The following ACSM6 variants were observed in gnomAD, a reference collection of about 807,000 sequenced individuals.
ACSM6 encodes the protein acyl-coenzyme A synthetase ACSM6, mitochondrial.
In ACSM6, 35 loss-of-function variants were observed where a neutral mutation model predicts 51.1. The ratio of observed to expected loss-of-function variants is 0.69; its 90% CI spans 0.52 to 0.91. The LOEUF (loss-of-function observed/expected upper bound fraction) is 0.91. Among genes scored for constraint, ACSM6 ranks in the 40% least tolerant of loss-of-function variants. ACSM6 has a pLI of 0.00. For synonymous variants in ACSM6, 172 were observed against 207.3 expected (o/e 0.83, Z 1.46); for missense variants, 509 against 584.1 (o/e 0.87, Z 1.32).
intron 5 of ACSM6, 119 bp downstream of exon 5, chr10:95,210,912 A>G: frequency 8.0e-7 from 1 of 1,242,742 alleles, no homozygotes; most frequent in Non-Finnish European, 1.1e-6. Context: ...AAGTGTCAAT[A>G]TTGAGAGAAG....
At chr10:95,228,437 CA>C (rs34317527) in intron 10 of ACSM6, 195,294 of 406,632 alleles carry the variant, frequency 0.48, 26,802 homozygotes, top group African/African-American at 0.55. Context: ...CTAGCTGGGA[CA>C]AAAAAAAAAA....
chr10:95,216,265 G>T (rs902469931), intron 8 of ACSM6, among the ~76,000 whole-genome samples: 2 of 152,016 alleles, frequency 1.3e-5, no homozygotes, highest in Non-Finnish European at 2.9e-5. Flanking sequence ...ATCCCATCAT[G>T]AGAGTGCCAC....
Position 95,194,417 on chromosome 10 carries a change from C to T in ACSM6, c.-21-48C>T. 6 of 1,358,132 alleles carry T rather than the reference C, an allele frequency of 4.4e-6. 1 individual carries two copies. In the South Asian group the frequency reaches 8.0e-5, roughly 18 times the overall value. The allele number at this position is 1,358,132 out of a possible 1,614,324, so 84.1% of individuals were successfully genotyped here. On this transcript the variant is annotated intron_variant, in intron 1 of 10. Transcript: ENST00000341686. ...TCAGCACTACAATCTCAGTGATTAT[C>T]CCTCTGAGCTGCTCAATTACTCCCT...
At chr10:95,217,353 AAAAAAG>A (rs2034956724) in intron 8 of ACSM6, among the ~76,000 whole-genome samples, 1 of 151,308 alleles carries the variant, frequency 6.6e-6, no homozygotes. Context: ...TCTCAAAAAA[AAAAAAG>A]AAAAAGAAAA....
chr10:95,217,876 G>A (rs147315039), intron 8 of ACSM6, among the ~76,000 whole-genome samples: 9 of 152,332 alleles, frequency 5.9e-5, no homozygotes, highest in South Asian at 2.1e-4. Flanking sequence ...TCAAGCTCAC[G>A]CTTGGTACGC....
At chr10:95,198,454 C>T (rs1219208645) in intron 2 of ACSM6, among the ~76,000 whole-genome samples, 5 of 152,110 alleles carry the variant, frequency 3.3e-5, no homozygotes, top group Admixed American at 3.3e-4. Flanking sequence ...AGTTCAAGAC[C>T]AGCCTGGGCA....
chr10:95,200,558 A>G (rs576456682), intron 2 of ACSM6, among the ~76,000 whole-genome samples: 2,276 of 148,456 alleles, frequency 0.015, 23 homozygotes, highest in Non-Finnish European at 0.024. Context: ...AGAAGAAGAA[A>G]GAAGAGGAAG....
chr10:95,218,116 CT>C (rs1319510327), intron 8 of ACSM6, among the ~76,000 whole-genome samples: 1 of 152,168 alleles, frequency 6.6e-6, no homozygotes, highest in Admixed American at 6.5e-5. Context: ...CTTTATCTTT[CT>C]TTTTATGAAA....
At chr10:95,210,837 T>C (rs1219406588) in intron 5 of ACSM6, 44 bp downstream of exon 5, 2 of 1,585,594 alleles carry the variant, frequency 1.3e-6, no homozygotes, top group Middle Eastern at 1.7e-4. Context: ...AGTTGTTCTC[T>C]TGCAGGTAAA....
chr10:95,201,053 G>A lies in ACSM6; in HGVS notation c.193-932G>A, dbSNP rs1423631160. Among the ~76,000 whole-genome samples, 7 of 152,116 alleles carry A rather than the reference G, an allele frequency of 4.6e-5. No individual in the cohort carries two copies. In the East Asian group the frequency reaches 5.8e-4, roughly 13 times the overall value. ...TTAAATTCTTTCCCCTTCAAAACTC[G>A]TCCCACTGAAAAATAAGTTGCATTG... On this transcript the variant is annotated intron_variant, in intron 2 of 10. Transcript: ENST00000341686.
chr10:95,213,085 T>C (rs2034910961), intron 7 of ACSM6, 145 bp downstream of exon 7: 2 of 578,192 alleles, frequency 3.5e-6, no homozygotes, highest in South Asian at 5.5e-5. Flanking sequence ...ACAACTCCAT[T>C]AGTGTGTGTG....
At chr10:95,205,341 TG>T (rs534399948) in intron 3 of ACSM6, among the ~76,000 whole-genome samples, 67 of 152,216 alleles carry the variant, frequency 4.4e-4, no homozygotes, top group Admixed American at 9.8e-4. Flanking sequence ...CTCACAACTC[TG>T]GAGGCTGGGA....
intron 8 of ACSM6, among the ~76,000 whole-genome samples, chr10:95,215,562 G>A (rs1032471526): frequency 1.3e-5 from 2 of 152,154 alleles, no homozygotes; most frequent in Non-Finnish European, 2.9e-5. Context: ...AGGGATATTG[G>A]CATTAAGATG....
At chr10:95,210,530 A>G in intron 4 of ACSM6, 120 bp from the exon 5 acceptor site, 1 of 1,108,462 alleles carries the variant, frequency 9.0e-7, no homozygotes, top group Non-Finnish European at 1.2e-6. Flanking sequence ...AATAATCCTC[A>G]AATATATCAA....
intron 2 of ACSM6, 27 bp downstream of exon 2, chr10:95,194,704 A>C: frequency 6.5e-7 from 1 of 1,541,962 alleles, no homozygotes; most frequent in South Asian, 1.2e-5. Flanking sequence ...TCTACCTTGG[A>C]AACTTTGGCC....
chr10:95,197,952 C>T (rs577851779), intron 2 of ACSM6, among the ~76,000 whole-genome samples: 1 of 152,350 alleles, frequency 6.6e-6, no homozygotes, highest in South Asian at 2.1e-4. Flanking sequence ...TGACTTTTAC[C>T]AAGTATACTG....
intron 7 of ACSM6, among the ~76,000 whole-genome samples, chr10:95,214,180 A>G (rs557599763): frequency 1.3e-5 from 2 of 152,344 alleles, no homozygotes; most frequent in Non-Finnish European, 2.9e-5. Flanking sequence ...CTGGGCAGGC[A>G]GTTATTATCT....
At chr10:95,215,591 C>G (rs1048995984) in intron 8 of ACSM6, among the ~76,000 whole-genome samples, 1 of 152,064 alleles carries the variant, frequency 6.6e-6, no homozygotes, top group African/African-American at 2.4e-5. Context: ...AGAAACTAAG[C>G]TGATCAGAGA....
intron 3 of ACSM6, among the ~76,000 whole-genome samples, chr10:95,203,155 G>A (rs1352754366): frequency 6.6e-6 from 1 of 151,918 alleles, no homozygotes; most frequent in Non-Finnish European, 1.5e-5. Context: ...ATTCTCATAG[G>A]AGCGCAAATC....
Sources: gnomAD v4.1 joint callset for allele counts (sites outside exome capture counted in the v4.1 genomes callset) on GRCh38, gnomAD v4.1.1 for gene constraint, MANE v1.5 for transcripts, NCBI Gene and HGNC (gene_info 2026-07-23, HGNC 2026-07-21) for gene names.